The following GPC3 variants were observed in gnomAD, a reference collection of about 807,000 sequenced individuals.
The protein encoded by GPC3 is glypican 3.
A neutral mutation model predicts 34.4 loss-of-function variants in GPC3; 3 were observed. The observed-to-expected ratio is 0.09, with a 90% CI of 0.04 to 0.23. The LOEUF (loss-of-function observed/expected upper bound fraction) is 0.23, where lower values mean the gene tolerates loss of function less well. Among genes scored for constraint, GPC3 ranks in the 10% least tolerant of loss-of-function variants. GPC3 has a pLI of 1.00. For missense variants in GPC3, 351 were observed against 445.6 expected, an observed-to-expected ratio of 0.79 and a Z score of 1.91; for synonymous variants, 177 against 174.0, an observed-to-expected ratio of 1.02 and a Z score of -0.13.
intron 6 of GPC3, among the ~76,000 whole-genome samples, chrX:133,657,366 T>C: frequency 9.0e-6 from 1 of 111,661 alleles, no homozygotes; most frequent in Non-Finnish European, 1.9e-5. Context: ...TTTTTGGTAA[T>C]TGTGGAGTCT....
intron 6 of GPC3, among the ~76,000 whole-genome samples, chrX:133,618,895 A>C (rs1027180069): frequency 9.0e-6 from 1 of 111,435 alleles, no homozygotes; most frequent in Non-Finnish European, 1.9e-5. Context: ...CAAAAAGTGG[A>C]ATGATGACCC....
chrX:133,843,616 T>C (rs2075834846), intron 2 of GPC3, among the ~76,000 whole-genome samples: 1 of 111,282 alleles, frequency 9.0e-6, no homozygotes, highest in Non-Finnish European at 1.9e-5. Context: ...ATTAGAGACC[T>C]CCAGCAGGAA....
At chrX:133,721,168 GGAAATAACT>G (rs2071362443) in intron 3 of GPC3, among the ~76,000 whole-genome samples, 1 of 108,386 alleles carries the variant, frequency 9.2e-6, no homozygotes, top group South Asian at 3.9e-4. Context: ...AGACTAAAAT[GGAAATAACT>G]GAAATAGATA....
At chrX:133,792,509 A>G (rs1426533891) in intron 2 of GPC3, among the ~76,000 whole-genome samples, 1 of 111,313 alleles carries the variant, frequency 9.0e-6, no homozygotes, top group African/African-American at 3.3e-5. Context: ...AGGATTTGGC[A>G]TTCAAACAGG....
Position 133,536,071 on chromosome X carries a change from C to T in GPC3, c.*53G>A, listed in dbSNP as rs750990341. 9 of 984,053 alleles carry T rather than the reference C, an allele frequency of 9.1e-6. No homozygotes were observed. In the East Asian group the frequency reaches 9.2e-5, roughly 10 times the overall value. The allele number at this position is 984,053 out of a possible 1,213,427, so 81.1% of individuals were successfully genotyped here. ...AAAATAAGAAAGTGGTTCCCTTTAT[C>T]GAGGAAGACCACAGGGTGCTGTAGG... is the stretch of plus-strand genomic sequence containing the variant. On this transcript the variant is annotated 3_prime_UTR_variant, in exon 8 of 8. Coordinates refer to ENST00000370818, the MANE Select transcript of GPC3 (RefSeq NM_004484.4).
At chrX:133,583,291 C>T (rs2069751860) in intron 7 of GPC3, among the ~76,000 whole-genome samples, 1 of 111,672 alleles carries the variant, frequency 9.0e-6, no homozygotes, top group African/African-American at 3.3e-5. Flanking sequence ...GTCAAAAGTC[C>T]ATCATGATGT....
intron 2 of GPC3, among the ~76,000 whole-genome samples, chrX:133,911,830 A>G (rs888986242): frequency 3.6e-5 from 4 of 112,064 alleles, no homozygotes; most frequent in Non-Finnish European, 5.6e-5. Context: ...CATGTGCAAC[A>G]TCTCAATGAG....
chrX:133,933,427 C>T (rs769492171), intron 2 of GPC3, among the ~76,000 whole-genome samples: 6 of 110,925 alleles, frequency 5.4e-5, no homozygotes, highest in Non-Finnish European at 9.4e-5. Context: ...GTTGCAGGAT[C>T]CAGAGCCTGA....
intron 2 of GPC3, among the ~76,000 whole-genome samples, chrX:133,847,879 T>C (rs942414079): frequency 1.8e-5 from 2 of 111,856 alleles, no homozygotes; most frequent in African/African-American, 6.5e-5. Context: ...CATAGGAAAA[T>C]AAATTTGTAT....
intron 2 of GPC3, among the ~76,000 whole-genome samples, chrX:133,920,176 AAAAG>A (rs1444739959): frequency 9.1e-6 from 1 of 110,097 alleles, no homozygotes; most frequent in Non-Finnish European, 1.9e-5. Context: ...AAAAAAAAGA[AAAAG>A]AAAGAAACTG....
intron 6 of GPC3, among the ~76,000 whole-genome samples, chrX:133,633,589 G>A (rs761041714): frequency 3.6e-5 from 4 of 111,718 alleles, no homozygotes; most frequent in Non-Finnish European, 5.6e-5. Context: ...GTCAAGAGTC[G>A]GCTCTACCAA....
chrX:133,631,315 A>T (rs1231969270), intron 6 of GPC3, among the ~76,000 whole-genome samples: 3 of 111,826 alleles, frequency 2.7e-5, no homozygotes, highest in Non-Finnish European at 5.6e-5. Flanking sequence ...TATGAGTTTG[A>T]CTACTCTAGA....
intron 2 of GPC3, among the ~76,000 whole-genome samples, chrX:133,866,196 C>T (rs1393388091): frequency 1.8e-5 from 2 of 111,901 alleles, no homozygotes; most frequent in Non-Finnish European, 3.8e-5. Context: ...TATGCAAATG[C>T]AAGTTTCAAC....
chrX:133,571,039 T>C (rs777376707), intron 7 of GPC3, among the ~76,000 whole-genome samples: 15 of 112,150 alleles, frequency 1.3e-4, no homozygotes, highest in Non-Finnish European at 2.3e-4. Flanking sequence ...TTTAGAAGCA[T>C]AAAAAGAGAT....
At chrX:133,911,069 T>G (rs1046833540) in intron 2 of GPC3, among the ~76,000 whole-genome samples, 11 of 112,346 alleles carry the variant, frequency 9.8e-5, no homozygotes, top group African/African-American at 3.6e-4. Flanking sequence ...AAGTGCCCTG[T>G]AAGATACTGT....
chrX:133,649,664 G>A (rs1427943880), intron 6 of GPC3, among the ~76,000 whole-genome samples: 1 of 111,799 alleles, frequency 8.9e-6, no homozygotes, highest in African/African-American at 3.2e-5. Flanking sequence ...AGATCTTTCA[G>A]CTCTGACTGC....
intron 2 of GPC3, among the ~76,000 whole-genome samples, chrX:133,860,116 C>T (rs1021032293): frequency 8.9e-5 from 10 of 111,799 alleles, no homozygotes; most frequent in Admixed American, 4.7e-4. Context: ...AACTCTAACA[C>T]GGGATCAGAT....
intron 6 of GPC3, among the ~76,000 whole-genome samples, chrX:133,633,515 T>C (rs1251376496): frequency 2.7e-5 from 3 of 111,910 alleles, no homozygotes; most frequent in Non-Finnish European, 1.9e-5. Context: ...TACATGAAAA[T>C]AAAGTGGACC....
intron 5 of GPC3, among the ~76,000 whole-genome samples, chrX:133,670,127 C>T (rs942169928): frequency 9.0e-6 from 1 of 111,665 alleles, no homozygotes; most frequent in Non-Finnish European, 1.9e-5. Flanking sequence ...GTAAAATAGG[C>T]GATCTTTTCT....
Sources: gnomAD v4.1 joint callset for allele counts (sites outside exome capture counted in the v4.1 genomes callset) on GRCh38, gnomAD v4.1.1 for gene constraint, MANE v1.5 for transcripts, NCBI Gene and HGNC (gene_info 2026-07-23, HGNC 2026-07-21) for gene names.